The following TAPT1 variants were observed in gnomAD, a reference collection of about 807,000 sequenced individuals.
The protein encoded by TAPT1 is transmembrane anterior posterior transformation protein 1 homolog.
A neutral mutation model predicts 65.6 loss-of-function variants in TAPT1; 28 were observed. The ratio of observed to expected loss-of-function variants is 0.43; its 90% CI spans 0.32 to 0.59. The LOEUF (loss-of-function observed/expected upper bound fraction) is 0.59, where lower values mean the gene tolerates loss of function less well. Among genes scored for constraint, TAPT1 ranks in the 20% least tolerant of loss-of-function variants. The probability of loss-of-function intolerance (pLI) is 0.09; values close to 1 mark genes in which losing one functional copy is unlikely to be tolerated. For synonymous variants in TAPT1, 278 were observed against 245.2 expected, an observed-to-expected ratio of 1.13 and a Z score of -1.25; for missense variants, 563 against 679.9, an observed-to-expected ratio of 0.83 and a Z score of 1.91.
intron 2 of TAPT1, among the ~76,000 whole-genome samples, chr4:16,208,619 A>AGG (rs1202748792): frequency 1.3e-5 from 2 of 151,368 alleles, no homozygotes; most frequent in East Asian, 3.9e-4. Context: ...TTTGCCAAGG[A>AGG]TGGCAAAATA....
At chr4:16,179,485 G>T in intron 8 of TAPT1, 92 bp downstream of exon 8, 2 of 754,598 alleles carry the variant, frequency 2.7e-6, no homozygotes, top group Non-Finnish European at 2.0e-6. Flanking sequence ...GTCTTTTGGA[G>T]TTTTCTGCAA....
At position 16,166,534 on chromosome 4, in the gene TAPT1, A is replaced by G. The variant is rs535936491; in HGVS notation, c.1474+99T>C. 3.7e-4 allele frequency: 543 copies of G among 1,464,816 alleles called. 3 individuals carry two copies. The African/African-American group carries it at 6.8e-3, about 18-fold the overall frequency. The allele number at this position is 1,464,816 out of a possible 1,614,324, so 90.7% of individuals were successfully genotyped here. ...ATTAAAAGACCCAAAAATCTATGCA[A>G]AGGGAAACCAATCTTTAAAGCGTTG... On this transcript the variant is annotated intron_variant, in intron 13 of 13. Transcript: ENST00000405303.
intron 1 of TAPT1, 94 bp downstream of exon 1, chr4:16,226,165 C>T: frequency 9.6e-7 from 1 of 1,042,332 alleles, no homozygotes; most frequent in Non-Finnish European, 1.2e-6. Context: ...GGCAGCCGCG[C>T]GGCTCGGGGG....
At position 16,161,296 on chromosome 4, in the gene TAPT1, A is replaced by T. The variant is rs56289583; in HGVS notation, c.*2012T>A. 6.6e-6 allele frequency: 1 copy of T among 152,660 alleles called. No homozygotes were observed. The highest frequency in any genetic ancestry group is 1.9e-4 in the East Asian group (1 of 5,200). 9.5% of individuals were successfully genotyped at this position (152,660 alleles called of 1,614,324 possible). On this transcript the variant is annotated 3_prime_UTR_variant, in exon 14 of 14. Coordinates refer to ENST00000405303, the MANE Select transcript of TAPT1 (RefSeq NM_153365.3). ...TTAAAATAAATTCAGTGACCTTTTT[A>T]AAAAAGATTACAAAACTGAATTTAT... is the stretch of plus-strand genomic sequence containing the variant.
intron 8 of TAPT1, 98 bp from the exon 9 acceptor site, chr4:16,176,326 G>A (rs747774617): frequency 1.7e-5 from 10 of 605,778 alleles, no homozygotes; most frequent in Non-Finnish European, 2.8e-5. Context: ...GAACAAAACT[G>A]TAGTATTTTC....
intron 2 of TAPT1, among the ~76,000 whole-genome samples, chr4:16,205,702 G>C (rs1750302967): frequency 6.6e-6 from 1 of 151,946 alleles, no homozygotes; most frequent in Admixed American, 6.6e-5. Flanking sequence ...ATTTTGCCAG[G>C]CAGTAAAGAG....
At chr4:16,209,785 T>C (rs1750555255) in intron 2 of TAPT1, among the ~76,000 whole-genome samples, 1 of 152,224 alleles carries the variant, frequency 6.6e-6, no homozygotes, top group South Asian at 2.1e-4. Context: ...GTTGAATGGA[T>C]TGAACGCAAA....
chr4:16,170,546 C>G (rs1747926765), intron 12 of TAPT1, 107 bp downstream of exon 12: 7 of 716,428 alleles, frequency 9.8e-6, no homozygotes, highest in Non-Finnish European at 1.4e-5. Flanking sequence ...GAATGGAAAC[C>G]CCTGGCATAG....
intron 7 of TAPT1, among the ~76,000 whole-genome samples, chr4:16,183,702 C>T (rs763091052): frequency 5.3e-5 from 8 of 152,208 alleles, no homozygotes; most frequent in African/African-American, 1.2e-4. Context: ...ATGGTTTCCA[C>T]AACAAACGAA....
At position 16,161,290 on chromosome 4, in the gene TAPT1, CT is replaced by C. The variant is rs944428506; in HGVS notation, c.*2017del. On this transcript the variant is annotated 3_prime_UTR_variant, in exon 14 of 14. Coordinates refer to ENST00000405303, the MANE Select transcript of TAPT1 (RefSeq NM_153365.3). ...TAAATATTAAAATAAATTCAGTGAC[CT>C]TTTTAAAAAAGATTACAAAACTGAA... The C allele has an allele frequency of 3.3e-5, 5 of 152,598 alleles. 1 individual carries two copies. Among genetic ancestry groups the C allele is most frequent in the African/African-American group, 4.8e-5 (2 of 41,512 alleles). 9.5% of individuals were successfully genotyped at this position (152,598 alleles called of 1,614,324 possible). A position where few individuals can be genotyped will look rare whatever the true frequency, so the allele number is the denominator to read the frequency against.
chr4:16,171,669 T>G (rs1224431701), intron 11 of TAPT1, among the ~76,000 whole-genome samples: 1 of 152,148 alleles, frequency 6.6e-6, no homozygotes, highest in Non-Finnish European at 1.5e-5. Context: ...ATGAGAAAAG[T>G]GACAATGGAA....
Position 16,179,616 on chromosome 4 carries a change from C to T in TAPT1, c.958G>A (p.Val320Met). ...RFTNYVLLLI[V>M]CLRNMEQFSW... ...AACTGTTCCATGTTTCTTAGACACACTATCAGTAAAAGCACATAATTTGTG... is the reference window on the plus strand; with the variant it reads ...AACTGTTCCATGTTTCTTAGACACATTATCAGTAAAAGCACATAATTTGTG... Residue 320 changes from valine (V) to methionine (M), a missense_variant, in exon 8 of 14, where the codon GTG becomes ATG. By Grantham distance (21) the Val-to-Met change is conservative. Transcript: ENST00000405303. 6.5e-7 allele frequency: 1 copy of T among 1,540,614 alleles called. No individual in the cohort carries two copies. Among genetic ancestry groups the T allele is most frequent in the Non-Finnish European group, 8.7e-7 (1 of 1,143,496 alleles).
chr4:16,207,868 A>C (rs939331381), intron 2 of TAPT1, among the ~76,000 whole-genome samples: 4 of 152,250 alleles, frequency 2.6e-5, no homozygotes, highest in Non-Finnish European at 5.9e-5. Flanking sequence ...AGTTGAATTT[A>C]ATTTTTAGAA....
intron 1 of TAPT1, among the ~76,000 whole-genome samples, chr4:16,223,808 T>G (rs1016545146): frequency 6.6e-6 from 1 of 152,234 alleles, no homozygotes; most frequent in Non-Finnish European, 1.5e-5. Context: ...CACCACGTTT[T>G]ATTTTATTCA....
At chr4:16,212,133 C>T (rs28482869) in intron 2 of TAPT1, among the ~76,000 whole-genome samples, 113 of 152,266 alleles carry the variant, frequency 7.4e-4, no homozygotes, top group African/African-American at 2.5e-3. Flanking sequence ...AGACAGATAC[C>T]AACCCACTTT....
At chr4:16,188,152 C>T (rs922923571) in intron 5 of TAPT1, 68 bp downstream of exon 5, 14 of 1,338,496 alleles carry the variant, frequency 1.0e-5, no homozygotes, top group Middle Eastern at 1.9e-4. Context: ...TATAAAATGG[C>T]TAACCAAATA....
chr4:16,174,838 C>T (rs918125965), intron 9 of TAPT1, 109 bp from the exon 10 acceptor site: 12 of 765,896 alleles, frequency 1.6e-5, no homozygotes, highest in African/African-American at 7.3e-5. Context: ...GGAACAAGTG[C>T]TAATAACCAA....
intron 2 of TAPT1, among the ~76,000 whole-genome samples, chr4:16,206,561 T>C (rs1186952648): frequency 6.6e-6 from 1 of 151,586 alleles, no homozygotes. Context: ...GCTGCGGCTC[T>C]AGGCTCTGAT....
intron 4 of TAPT1, 41 bp downstream of exon 4, chr4:16,191,320 G>C: frequency 1.9e-6 from 3 of 1,554,008 alleles, no homozygotes; most frequent in Non-Finnish European, 2.6e-6. Flanking sequence ...TTGAAGCTGA[G>C]TGCCCTGGCC....
Sources: gnomAD v4.1 joint callset for allele counts (sites outside exome capture counted in the v4.1 genomes callset) on GRCh38, gnomAD v4.1.1 for gene constraint, MANE v1.5 for transcripts, NCBI Gene and HGNC (gene_info 2026-07-23, HGNC 2026-07-21) for gene names.